TTLL13: variants seen among roughly 807,000 people sequenced by gnomAD.
TTLL13 encodes the protein tubulin tyrosine ligase like 13, also known as tubulin polyglutamylase TTLL13.
chr15:90,264,014 C>G, the TTLL13 span: 1 of 1,536,038 alleles, frequency 6.5e-7, no homozygotes, highest in African/African-American at 1.4e-5. Flanking sequence ...ATGAAGAAGG[C>G]TGGGAGGTGC....
the TTLL13 span, chr15:90,250,960 A>G: frequency 6.5e-7 from 1 of 1,541,814 alleles, no homozygotes; most frequent in Non-Finnish European, 8.7e-7. Flanking sequence ...CAACATCTGG[A>G]GGAGCTGGGA....
chr15:90,262,968 G>T, the TTLL13 span: 1 of 1,535,430 alleles, frequency 6.5e-7, no homozygotes. Context: ...CCTTGTAGCT[G>T]CTGCCGGGAC....
At chr15:90,250,791 C>T in the TTLL13 span, 4 of 1,614,184 alleles carry the variant, frequency 2.5e-6, no homozygotes, top group East Asian at 8.9e-5. Flanking sequence ...GGGGTTCCCT[C>T]ACCCATTATG....
the TTLL13 span, chr15:90,262,602 G>T: frequency 5.2e-6 from 8 of 1,533,494 alleles, no homozygotes; most frequent in Non-Finnish European, 7.0e-6. Flanking sequence ...GAGAAAAGCC[G>T]ACCCAGGGCA....
chr15:90,262,678 G>C, the TTLL13 span: 1 of 1,471,340 alleles, frequency 6.8e-7, no homozygotes, highest in Non-Finnish European at 8.9e-7. Context: ...AGGTGCCAGG[G>C]GTTTTGTAGC....
the TTLL13 span, among the ~76,000 whole-genome samples, chr15:90,251,114 C>CTTTTTTTT: frequency 2.5e-3 from 259 of 104,646 alleles, 39 homozygotes; most frequent in African/African-American, 8.0e-3. Flanking sequence ...CCTGGTCTGT[C>CTTTTTTTT]TTTTTTTTTT....
chr15:90,250,799 A>C, the TTLL13 span: 55 of 1,614,136 alleles, frequency 3.4e-5, no homozygotes, highest in African/African-American at 5.1e-4. Flanking sequence ...CTCACCCATT[A>C]TGGCCACAAA....
chr15:90,253,214 C>T, the TTLL13 span: 5 of 1,567,134 alleles, frequency 3.2e-6, no homozygotes, highest in Non-Finnish European at 4.4e-6. Context: ...TTGCTGGTGT[C>T]CATGCTGGCA....
the TTLL13 span, chr15:90,262,119 C>A: frequency 6.5e-7 from 1 of 1,535,944 alleles, no homozygotes; most frequent in Non-Finnish European, 8.7e-7. Context: ...GAGAAGTATG[C>A]CCGCTTCTTC....
the TTLL13 span, chr15:90,262,231 G>A: frequency 1.8e-5 from 26 of 1,476,622 alleles, no homozygotes; most frequent in Non-Finnish European, 2.2e-5. Flanking sequence ...CCTAGGTGGG[G>A]ACAAGTCCTG....
chr15:90,255,840 C>T, the TTLL13 span: 1 of 1,614,186 alleles, frequency 6.2e-7, no homozygotes, highest in Non-Finnish European at 8.5e-7. Context: ...AAACTCTATC[C>T]CTCTGAGTAC....
At chr15:90,255,695 G>A in the TTLL13 span, 1 of 1,609,526 alleles carries the variant, frequency 6.2e-7, no homozygotes, top group African/African-American at 1.3e-5. Context: ...TTCCTGGGAT[G>A]CCCAGGTGCT....
the TTLL13 span, chr15:90,257,394 G>C: frequency 7.0e-7 from 1 of 1,427,866 alleles, no homozygotes; most frequent in Non-Finnish European, 9.4e-7. Flanking sequence ...AATGAAGCCA[G>C]CAAGAGCTGC....
At chr15:90,251,481 T>C in the TTLL13 span, 11 of 1,410,954 alleles carry the variant, frequency 7.8e-6, no homozygotes, top group Non-Finnish European at 1.1e-5. Context: ...TGTGAATTTG[T>C]TGGATGTCTT....
chr15:90,256,572 T>TCCTTCCTTCCTTCCTTC, the TTLL13 span, among the ~76,000 whole-genome samples: 1 of 30,816 alleles, frequency 3.2e-5, no homozygotes, highest in African/African-American at 1.2e-4. Context: ...TTTCTTTCTT[T>TCCTTCCTTCCTTCCTTC]CTTTCTTTCT....
At chr15:90,256,255 C>G in the TTLL13 span, 2 of 1,614,208 alleles carry the variant, frequency 1.2e-6, no homozygotes, top group East Asian at 4.5e-5. Flanking sequence ...CCCGGGAGAT[C>G]AAGCCAGGAG....
At chr15:90,264,030 T>C in the TTLL13 span, 12 of 1,535,896 alleles carry the variant, frequency 7.8e-6, no homozygotes, top group Non-Finnish European at 9.6e-6. Flanking sequence ...GGTGCTATTT[T>C]TCCAGTGCCA....
chr15:90,250,728 C>G, the TTLL13 span: 1 of 1,614,178 alleles, frequency 6.2e-7, no homozygotes, highest in East Asian at 2.2e-5. Context: ...ACCAACCCCT[C>G]TAACTCTTCA....
the TTLL13 span, chr15:90,264,824 G>C: frequency 6.5e-7 from 1 of 1,536,138 alleles, no homozygotes; most frequent in African/African-American, 1.4e-5. Context: ...ACCGGAAAGA[G>C]TGGCATCTGA....
Sources: allele counts gnomAD v4.1 joint callset (sites outside exome capture counted in the v4.1 genomes callset), GRCh38; gene constraint gnomAD v4.1.1; transcripts MANE v1.5; gene names NCBI Gene and HGNC (gene_info 2026-07-23, HGNC 2026-07-21).